ANKRD17: variants seen among roughly 807,000 people sequenced by gnomAD.
ANKRD17 encodes the protein ankyrin repeat domain-containing protein 17.
ANKRD17 carries 19 observed loss-of-function variants against 229.7 expected under a neutral mutation model. The observed-to-expected ratio is 0.08, with a 90% CI of 0.06 to 0.12. The LOEUF (loss-of-function observed/expected upper bound fraction) is 0.12, where lower values mean the gene tolerates loss of function less well. Ranked by LOEUF, ANKRD17 falls within the 10% of genes least tolerant of loss-of-function variation. The probability of loss-of-function intolerance (pLI) is 1.00; values close to 1 mark genes in which losing one functional copy is unlikely to be tolerated. For missense variants in ANKRD17, 2,176 were observed against 3,176.8 expected, an observed-to-expected ratio of 0.68 and a Z score of 7.57; for synonymous variants, 1,112 against 1,146.1, an observed-to-expected ratio of 0.97 and a Z score of 0.60.
chr4:73,170,266 G>A (rs1303523357), intron 2 of ANKRD17, among the ~76,000 whole-genome samples: 3 of 151,992 alleles, frequency 2.0e-5, no homozygotes, highest in Non-Finnish European at 4.4e-5. Context: ...AGTCAGATTC[G>A]TGAGGCCCCC....
At chr4:73,191,214 A>ATG (rs1355585869) in intron 1 of ANKRD17, among the ~76,000 whole-genome samples, 1 of 152,138 alleles carries the variant, frequency 6.6e-6, no homozygotes, top group Non-Finnish European at 1.5e-5. Context: ...ACATATATAT[A>ATG]TGGGACTTAT....
At position 73,223,113 on chromosome 4, in the gene ANKRD17, G is replaced by A. The variant is rs1291148524; in HGVS notation, c.393+35163C>T. ...CTCCTCTGTGTCAGCAAGGGAACAG[G>A]AAATGGAATGTTCTATTACATGCCT... On this transcript the variant is annotated intron_variant, in intron 1 of 33. Transcript: ENST00000358602. 2.8e-6 allele frequency: 4 copies of A among 1,430,486 alleles called. No homozygotes were observed. In the Admixed American group the frequency reaches 6.0e-5, roughly 21 times the overall value. 88.6% of individuals were successfully genotyped at this position (1,430,486 alleles called of 1,614,324 possible). A position where few individuals can be genotyped will look rare whatever the true frequency, so the allele number is the denominator to read the frequency against.
chr4:73,224,585 T>C (rs1742266730), intron 1 of ANKRD17, among the ~76,000 whole-genome samples: 1 of 152,198 alleles, frequency 6.6e-6, no homozygotes. Context: ...AAAATAAACA[T>C]ATTATTTATC....
chr4:73,146,671 A>T (rs1730321327), intron 10 of ANKRD17, 93 bp downstream of exon 10: 3 of 871,430 alleles, frequency 3.4e-6, no homozygotes, highest in African/African-American at 1.7e-5. Flanking sequence ...AATAAAACTG[A>T]AGGTAAAGAA....
At chr4:73,229,123 G>C (rs1178295215) in intron 1 of ANKRD17, among the ~76,000 whole-genome samples, 1 of 152,088 alleles carries the variant, frequency 6.6e-6, no homozygotes. Context: ...TCACACACCA[G>C]GGCCTGTTGT....
intron 24 of ANKRD17, among the ~76,000 whole-genome samples, chr4:73,111,862 G>T (rs1725362622): frequency 6.6e-6 from 1 of 152,114 alleles, no homozygotes; most frequent in Non-Finnish European, 1.5e-5. Context: ...CCTACTATAT[G>T]CCAGACACTA....
intron 10 of ANKRD17, among the ~76,000 whole-genome samples, chr4:73,145,434 C>T (rs888847740): frequency 6.6e-6 from 1 of 152,052 alleles, no homozygotes; most frequent in Admixed American, 6.6e-5. Context: ...CTACTGCATA[C>T]TTATGATTAC....
chr4:73,163,991 T>C (rs1272649580), intron 2 of ANKRD17, among the ~76,000 whole-genome samples: 1 of 152,220 alleles, frequency 6.6e-6, no homozygotes, highest in Non-Finnish European at 1.5e-5. Context: ...AGTTAAGATG[T>C]ATAAAGAATA....
chr4:73,155,757 T>G lies in ANKRD17; in HGVS notation c.874A>C (p.Asn292His), dbSNP rs556594648. 7.4e-6 allele frequency: 12 copies of G among 1,614,032 alleles called. No individual in the cohort carries two copies. The South Asian group carries it at 1.3e-4, about 18-fold the overall frequency. Reference protein sequence around the residue: ...LAQVLLAMHANVEDRGIKGDI... With the variant: ...LAQVLLAMHAHVEDRGIKGDI... ...CCTTTGATTCCCCTATCTTCCACAT[T>G]TGCATGCATTGCCAACAAAACCTTA... Residue 292 changes from asparagine to histidine, a missense_variant, in exon 5 of 34, where the codon AAT becomes CAT. Around this residue, in one of 18 missense-constraint regions of ANKRD17, gnomAD observed 184 missense variants for 357.8 expected, o/e 0.51. Transcript: ENST00000358602.
At chr4:73,118,434 T>C (rs1399516940) in intron 22 of ANKRD17, among the ~76,000 whole-genome samples, 1 of 152,054 alleles carries the variant, frequency 6.6e-6, no homozygotes, top group Non-Finnish European at 1.5e-5. Context: ...TGCAACTAGA[T>C]TTTGAACACA....
At chr4:73,246,045 A>G (rs1003431119) in intron 1 of ANKRD17, among the ~76,000 whole-genome samples, 5 of 152,188 alleles carry the variant, frequency 3.3e-5, no homozygotes, top group African/African-American at 1.2e-4. Flanking sequence ...CACACCCTCC[A>G]ATGCCTACTA....
chr4:73,156,024 C>T lies in ANKRD17; in HGVS notation c.847G>A (p.Ala283Thr). ...LACSAGYYELAQVLLAMHANV... is the reference protein window; with the variant it reads ...LACSAGYYELTQVLLAMHANV... ...TTTATTTTGATAATACGAACCTGTGCAAGCTCATAGTATCCAGCAGAACAA... is the reference window on the plus strand; with the variant it reads ...TTTATTTTGATAATACGAACCTGTGTAAGCTCATAGTATCCAGCAGAACAA... The change falls in exon 4 of 34, where the codon GCA becomes ACA. Residue 283 changes from alanine to threonine, a missense_variant. Transcript: ENST00000358602. 1 of 1,586,482 alleles carries T rather than the reference C, an allele frequency of 6.3e-7. No individual in the cohort carries two copies. Among genetic ancestry groups the T allele is most frequent in the Non-Finnish European group, 8.5e-7 (1 of 1,172,208 alleles).
chr4:73,124,971 T>C lies in ANKRD17; in HGVS notation c.3434A>G (p.Gln1145Arg). The C allele has an allele frequency of 1.9e-6, 3 of 1,614,198 alleles. No homozygotes were observed. Among genetic ancestry groups the C allele is most frequent in the Non-Finnish European group, 2.5e-6 (3 of 1,180,030 alleles). The change falls in exon 18 of 34, where the codon CAG becomes CGG. Residue 1145 changes from glutamine (Q) to arginine (R), a missense_variant. Around this residue, in one of 18 missense-constraint regions of ANKRD17, gnomAD observed 178 missense variants for 421.7 expected, o/e 0.42. Coordinates refer to ENST00000358602, the MANE Select transcript of ANKRD17 (RefSeq NM_032217.5). The stretch of plus-strand genomic sequence containing the variant: ...TGGTGTGTCCTTGGTTCTTTCAGAC[T>C]GGGCTTCAATGTCTGCACCATTGTC... ...LLDNGADIEA[Q>R]SERTKDTPLS...
At chr4:73,083,592 C>A (rs896379318) in intron 30 of ANKRD17, among the ~76,000 whole-genome samples, 1 of 152,080 alleles carries the variant, frequency 6.6e-6, no homozygotes, top group Non-Finnish European at 1.5e-5. Context: ...AATTGTAATG[C>A]CCTCAATGAT....
intron 2 of ANKRD17, among the ~76,000 whole-genome samples, chr4:73,166,789 A>C (rs1329246294): frequency 2.0e-5 from 3 of 151,994 alleles, no homozygotes; most frequent in African/African-American, 4.8e-5. Flanking sequence ...TGTTATGATT[A>C]AACTTAAAAC....
chr4:73,146,728 G>T (rs1402483112), intron 10 of ANKRD17, 36 bp downstream of exon 10: 2 of 1,393,170 alleles, frequency 1.4e-6, no homozygotes, highest in South Asian at 1.4e-5. Context: ...ATTTCTTATT[G>T]TTAAATATTA....
intron 1 of ANKRD17, among the ~76,000 whole-genome samples, chr4:73,192,512 A>C (rs1357853636): frequency 6.6e-6 from 1 of 152,030 alleles, no homozygotes; most frequent in African/African-American, 2.4e-5. Context: ...CAAAGAGAGA[A>C]TTGTACCTTT....
intron 16 of ANKRD17, among the ~76,000 whole-genome samples, chr4:73,128,526 G>GT (rs1560562209): frequency 6.6e-6 from 1 of 152,084 alleles, no homozygotes; most frequent in African/African-American, 2.4e-5. Flanking sequence ...TCAGTAAAAT[G>GT]TTTTTTCCAA....
chr4:73,161,856 C>G (rs1732566844), intron 2 of ANKRD17, among the ~76,000 whole-genome samples: 1 of 151,936 alleles, frequency 6.6e-6, no homozygotes, highest in African/African-American at 2.4e-5. Flanking sequence ...TGGGAAATGT[C>G]TACATTTTAT....
Sources: allele counts gnomAD v4.1 joint callset (sites outside exome capture counted in the v4.1 genomes callset), GRCh38; gene constraint gnomAD v4.1.1; regional missense constraint gnomAD v4.1.1; transcripts MANE v1.5; gene names NCBI Gene and HGNC (gene_info 2026-07-23, HGNC 2026-07-21).